Variants in STXBP5L observed in about 807,000 individuals in gnomAD.
STXBP5L encodes the protein syntaxin-binding protein 5-like.
A neutral mutation model predicts 144.5 loss-of-function variants in STXBP5L; 65 were observed. The ratio of observed to expected loss-of-function variants is 0.45; its 90% CI spans 0.37 to 0.55. The LOEUF is 0.55. Ranked by LOEUF, STXBP5L falls within the 20% of genes least tolerant of loss-of-function variation. The pLI, the probability that STXBP5L is intolerant of heterozygous loss-of-function variation, is 0.00. For synonymous variants in STXBP5L, 505 were observed against 469.6 expected, an observed-to-expected ratio of 1.08 and a Z score of -0.97; for missense variants, 1,298 against 1,405.5, an observed-to-expected ratio of 0.92 and a Z score of 1.22.
intron 5 of STXBP5L, among the ~76,000 whole-genome samples, chr3:121,103,858 G>T (rs1211147884): frequency 3.3e-5 from 5 of 152,130 alleles, no homozygotes; most frequent in Admixed American, 2.6e-4. Context: ...TCAAAACAAA[G>T]TTCTTAGTGT....
intron 5 of STXBP5L, among the ~76,000 whole-genome samples, chr3:121,056,246 T>G (rs2107613026): frequency 6.6e-6 from 1 of 152,270 alleles, no homozygotes; most frequent in South Asian, 2.1e-4. Flanking sequence ...CATTCATATT[T>G]TAGGCATAGC....
intron 7 of STXBP5L, among the ~76,000 whole-genome samples, chr3:121,137,078 G>A (rs1284010866): frequency 6.6e-6 from 1 of 152,138 alleles, no homozygotes; most frequent in Non-Finnish European, 1.5e-5. Flanking sequence ...GCCTATTTTA[G>A]GGTGGAGGGT....
intron 8 of STXBP5L, among the ~76,000 whole-genome samples, chr3:121,156,096 CT>C (rs943724417): frequency 1.3e-5 from 2 of 151,852 alleles, no homozygotes; most frequent in Admixed American, 1.3e-4. Flanking sequence ...CTGCTGGACC[CT>C]AGCAAAAAAG....
intron 20 of STXBP5L, among the ~76,000 whole-genome samples, chr3:121,336,261 C>T (rs2044501515): frequency 6.6e-6 from 1 of 152,104 alleles, no homozygotes; most frequent in Non-Finnish European, 1.5e-5. Context: ...GTTTGGGAGG[C>T]TGAGGTGGGC....
chr3:121,372,137 GCA>G (rs2046049711), intron 20 of STXBP5L, among the ~76,000 whole-genome samples: 1 of 152,130 alleles, frequency 6.6e-6, no homozygotes, highest in Non-Finnish European at 1.5e-5. Context: ...TGCCAGTCAG[GCA>G]CAGTCCACCA....
intron 22 of STXBP5L, among the ~76,000 whole-genome samples, chr3:121,395,514 T>G (rs1329746401): frequency 6.6e-6 from 1 of 152,242 alleles, no homozygotes; most frequent in Non-Finnish European, 1.5e-5. Context: ...TCAGGTTCCA[T>G]TTTGTTTACA....
intron 10 of STXBP5L, among the ~76,000 whole-genome samples, chr3:121,209,599 C>G (rs1325057213): frequency 6.6e-6 from 1 of 151,730 alleles, no homozygotes; most frequent in Non-Finnish European, 1.5e-5. Flanking sequence ...CACCCCATGA[C>G]AGGCCCCAGT....
At chr3:121,351,393 C>T (rs2045276668) in intron 20 of STXBP5L, among the ~76,000 whole-genome samples, 1 of 152,086 alleles carries the variant, frequency 6.6e-6, no homozygotes, top group South Asian at 2.1e-4. Context: ...CCCAGTTAGG[C>T]TACTCAGGGG....
intron 5 of STXBP5L, among the ~76,000 whole-genome samples, chr3:121,102,068 C>T (rs942753278): frequency 6.6e-6 from 1 of 151,500 alleles, no homozygotes; most frequent in African/African-American, 2.4e-5. Context: ...ATAGGTGACA[C>T]AAAAAAATGG....
intron 5 of STXBP5L, among the ~76,000 whole-genome samples, chr3:121,095,126 C>G (rs532134121): frequency 6.6e-6 from 1 of 152,324 alleles, no homozygotes; most frequent in South Asian, 2.1e-4. Flanking sequence ...CCAGTGTCTT[C>G]TGGCTTGTAG....
chr3:120,923,638 G>A (rs932737903), intron 2 of STXBP5L, among the ~76,000 whole-genome samples: 15 of 151,744 alleles, frequency 9.9e-5, no homozygotes, highest in African/African-American at 1.9e-4. Context: ...CTGTGTTTGT[G>A]TAGTTTCTGA....
At chr3:121,028,249 AGATT>A (rs1353046712) in intron 3 of STXBP5L, among the ~76,000 whole-genome samples, 1 of 152,234 alleles carries the variant, frequency 6.6e-6, no homozygotes, top group East Asian at 1.9e-4. Context: ...TGTAATACAT[AGATT>A]ATTATGCTAT....
chr3:121,401,125 C>A (rs1292416675), intron 22 of STXBP5L, among the ~76,000 whole-genome samples: 2 of 152,054 alleles, frequency 1.3e-5, no homozygotes, highest in Admixed American at 1.3e-4. Context: ...TGAGAGGCTG[C>A]CTGGCTGCAT....
chr3:121,211,680 G>A (rs2048574573), intron 10 of STXBP5L, among the ~76,000 whole-genome samples: 1 of 145,194 alleles, frequency 6.9e-6, no homozygotes. Flanking sequence ...CGGGGTTCAA[G>A]CGATTCTCCT....
rs116894919 is a variant in STXBP5L, at chr3:121,024,341, A to G, written c.288-17359A>G. Reference sequence around the variant, plus strand: ...GCTTTGCCTCATATGCCATTAGGGAATTAGGATGGGTCTAGAGTGGCTTTA... The same window carrying G: ...GCTTTGCCTCATATGCCATTAGGGAGTTAGGATGGGTCTAGAGTGGCTTTA... On this transcript the variant is annotated intron_variant, in intron 3 of 26. Coordinates refer to ENST00000471454, the MANE Select transcript of STXBP5L (RefSeq NM_001308330.2). Among the ~76,000 whole-genome samples the G allele has an allele frequency of 1.2e-3, 182 of 152,328 alleles. 1 individual carries two copies. The East Asian group carries it at 0.026, about 22-fold the overall frequency.
chr3:121,255,483 A>AT (rs1356295548), intron 16 of STXBP5L, among the ~76,000 whole-genome samples: 2 of 152,072 alleles, frequency 1.3e-5, no homozygotes, highest in South Asian at 2.1e-4. Flanking sequence ...TGAACTATGT[A>AT]TATATTGTGG....
At chr3:121,327,314 G>A (rs2044180346) in intron 20 of STXBP5L, among the ~76,000 whole-genome samples, 1 of 152,138 alleles carries the variant, frequency 6.6e-6, no homozygotes, top group Admixed American at 6.5e-5. Flanking sequence ...GCTATGGTAA[G>A]CCACCAAACT....
intron 5 of STXBP5L, among the ~76,000 whole-genome samples, chr3:121,087,741 C>T (rs1560111603): frequency 1.3e-5 from 2 of 151,796 alleles, no homozygotes; most frequent in Non-Finnish European, 2.9e-5. Context: ...TATTGCTCTG[C>T]TTTTTTCCCC....
chr3:121,211,472 G>A (rs192051183), intron 10 of STXBP5L, among the ~76,000 whole-genome samples: 6 of 152,152 alleles, frequency 3.9e-5, no homozygotes, highest in African/African-American at 9.6e-5. Context: ...ATGTTGAATA[G>A]GAGTGGTGAG....
Sources: allele counts gnomAD v4.1 joint callset (sites outside exome capture counted in the v4.1 genomes callset), GRCh38; gene constraint gnomAD v4.1.1; transcripts MANE v1.5; gene names NCBI Gene and HGNC (gene_info 2026-07-23, HGNC 2026-07-21).